Variants in PCDH17 observed in about 807,000 individuals in gnomAD.
PCDH17 encodes protocadherin 17.
A neutral mutation model predicts 67.7 loss-of-function variants in PCDH17; 21 were observed. The observed-to-expected ratio is 0.31, with a 90% CI of 0.22 to 0.45. The LOEUF (loss-of-function observed/expected upper bound fraction) is 0.45, where lower values mean the gene tolerates loss of function less well. Among genes scored for constraint, PCDH17 ranks in the 20% least tolerant of loss-of-function variants. The pLI, the probability that PCDH17 is intolerant of heterozygous loss-of-function variation, is 1.00. For synonymous variants in PCDH17, 701 were observed against 656.7 expected, an observed-to-expected ratio of 1.07 and a Z score of -1.03; for missense variants, 1,471 against 1,564.8, an observed-to-expected ratio of 0.94 and a Z score of 1.01.
chr13:57,698,686 AC>A (rs34887673), intron 3 of PCDH17, among the ~76,000 whole-genome samples: 57,822 of 151,594 alleles, frequency 0.38, 11,466 homozygotes, highest in East Asian at 0.56. Context: ...ATTTTCTCTC[AC>A]TCTGAAGCTG....
chr13:57,726,268 G>C lies in PCDH17; in HGVS notation c.*974G>C, dbSNP rs1955915826. On this transcript the variant is annotated 3_prime_UTR_variant, in exon 4 of 4. Coordinates refer to ENST00000377918, the MANE Select transcript of PCDH17 (RefSeq NM_001040429.3). ...ACGCAAGTCACATGACCATTTAAAT[G>C]TGCAAATGTAAGAAGATTCAATGTG... The C allele has an allele frequency of 6.6e-6, 1 of 152,604 alleles. No homozygotes were observed. Among genetic ancestry groups the C allele is most frequent in the African/African-American group, 2.4e-5 (1 of 41,442 alleles). The allele number at this position is 152,604 out of a possible 1,614,324, so 9.5% of individuals were successfully genotyped here. A position where few individuals can be genotyped will look rare whatever the true frequency, so the allele number is the denominator to read the frequency against.
intron 1 of PCDH17, among the ~76,000 whole-genome samples, chr13:57,647,820 T>C (rs1382285691): frequency 6.6e-6 from 1 of 151,812 alleles, no homozygotes; most frequent in African/African-American, 2.4e-5. Flanking sequence ...TAATAAGATA[T>C]AGTCGAGATA....
chr13:57,683,539 G>A (rs1201600401), intron 3 of PCDH17, among the ~76,000 whole-genome samples: 2 of 151,774 alleles, frequency 1.3e-5, no homozygotes, highest in Non-Finnish European at 2.9e-5. Flanking sequence ...GCCTTTAACT[G>A]ATATTGTACT....
At chr13:57,708,752 G>C (rs1450674726) in intron 3 of PCDH17, among the ~76,000 whole-genome samples, 1 of 151,960 alleles carries the variant, frequency 6.6e-6, no homozygotes, top group Non-Finnish European at 1.5e-5. Flanking sequence ...GCAAACAACA[G>C]ATGTTGAATA....
At position 57,634,460 on chromosome 13, in the gene PCDH17, C is replaced by A. The variant is rs780891643; in HGVS notation, c.1914C>A (p.Ile638=). ...GCAACGACGACCACCTGTTTGAGAT[C>A]GACCCGTCCAGCGGCGAGATCCGCA... ...VDGNDDHLFE[I]DPSSGEIRTL... The change falls in exon 1 of 4, where the codon ATC becomes ATA. Residue 638 remains isoleucine (I), a synonymous_variant. Transcript: ENST00000377918. The surrounding 1 kb of genome is among the most constrained non-coding windows in gnomAD (Gnocchi z 7.8). 39 of 1,612,648 alleles carry A rather than the reference C, an allele frequency of 2.4e-5. No individual in the cohort carries two copies. The highest frequency in any genetic ancestry group is 2.2e-5 in the Non-Finnish European group (26 of 1,179,966).
chr13:57,723,348 AATT>A (rs1955887021), intron 3 of PCDH17, among the ~76,000 whole-genome samples: 1 of 152,204 alleles, frequency 6.6e-6, no homozygotes, highest in Non-Finnish European at 1.5e-5. Context: ...TAATGTAAAT[AATT>A]ATTTACATGC....
intron 3 of PCDH17, among the ~76,000 whole-genome samples, chr13:57,692,126 C>T (rs977460025): frequency 4.0e-5 from 6 of 151,062 alleles, no homozygotes; most frequent in African/African-American, 1.2e-4. Context: ...TCTTTTCATC[C>T]TCTATTTTCT....
intron 3 of PCDH17, among the ~76,000 whole-genome samples, chr13:57,701,942 G>A (rs1955667031): frequency 6.6e-6 from 1 of 151,668 alleles, no homozygotes; most frequent in African/African-American, 2.4e-5. Context: ...TTTTTGGATG[G>A]AGTCTTGCTC....
chr13:57,695,972 G>A (rs753062780), intron 3 of PCDH17, among the ~76,000 whole-genome samples: 26 of 151,286 alleles, frequency 1.7e-4, no homozygotes, highest in Non-Finnish European at 3.3e-4. Context: ...TATAGATCAA[G>A]TCCCTTTAAC....
At chr13:57,646,942 A>C (rs1954972808) in intron 1 of PCDH17, among the ~76,000 whole-genome samples, 2 of 151,874 alleles carry the variant, frequency 1.3e-5, no homozygotes, top group Admixed American at 1.3e-4. Flanking sequence ...TCTTGGTTAC[A>C]TGTTACTACA....
In PCDH17 at chr13:57,728,814, T is replaced by C. The variant is rs1389670654; in HGVS notation, c.*3520T>C. The C allele has an allele frequency of 1.3e-5, 2 of 152,172 alleles. No homozygotes were observed. The highest frequency in any genetic ancestry group is 2.9e-5 in the Non-Finnish European group (2 of 67,970). The allele number at this position is 152,172 out of a possible 1,614,324, so 9.4% of individuals were successfully genotyped here. A position where few individuals can be genotyped will look rare whatever the true frequency, so the allele number is the denominator to read the frequency against. On this transcript the variant is annotated 3_prime_UTR_variant, in exon 4 of 4. Coordinates refer to ENST00000377918, the MANE Select transcript of PCDH17 (RefSeq NM_001040429.3). ...AAACATGACTTCCCTTTAAAGGATC[T>C]AGATATTGTTCAATTTAAAATATGG...
intron 3 of PCDH17, among the ~76,000 whole-genome samples, chr13:57,675,738 A>C (rs1196774489): frequency 6.6e-6 from 1 of 151,936 alleles, no homozygotes; most frequent in East Asian, 1.9e-4. Context: ...GAGACTAGGG[A>C]GGTGGCTGGA....
intron 1 of PCDH17, among the ~76,000 whole-genome samples, chr13:57,656,997 G>A (rs772027281): frequency 7.2e-5 from 11 of 152,048 alleles, no homozygotes; most frequent in African/African-American, 1.4e-4. Flanking sequence ...AACAAATAGC[G>A]CTCATCTTAA....
chr13:57,696,526 CA>C (rs60466176), intron 3 of PCDH17, among the ~76,000 whole-genome samples: 21 of 150,454 alleles, frequency 1.4e-4, no homozygotes, highest in African/African-American at 3.2e-4. Flanking sequence ...ATACTGTTCG[CA>C]AAAAAAATGT....
chr13:57,657,853 C>T (rs1955128228), intron 1 of PCDH17, among the ~76,000 whole-genome samples: 1 of 152,176 alleles, frequency 6.6e-6, no homozygotes, highest in African/African-American at 2.4e-5. Context: ...AACACCATAT[C>T]TAGAATCATT....
Position 57,673,685 on chromosome 13 carries a change from C to T in PCDH17, c.2797+6852C>T, listed in dbSNP as rs1238850119. On this transcript the variant is annotated intron_variant, in intron 3 of 3. Coordinates refer to ENST00000377918, the MANE Select transcript of PCDH17 (RefSeq NM_001040429.3). The stretch of plus-strand genomic sequence containing the variant: ...GGAAGAAACTGTTGAATATTTAACA[C>T]CAGAAAAAAAAATTACTTAGAAATG... Among the ~76,000 whole-genome samples the T allele has an allele frequency of 7.2e-5, 11 of 151,866 alleles. No individual in the cohort carries two copies. In the East Asian group the frequency reaches 2.1e-3, roughly 30 times the overall value.
chr13:57,673,565 G>GA (rs1955351680), intron 3 of PCDH17, among the ~76,000 whole-genome samples: 1 of 151,904 alleles, frequency 6.6e-6, no homozygotes, highest in African/African-American at 2.4e-5. Context: ...GCCAGTCTCT[G>GA]AAAACAATTT....
chr13:57,669,083 A>G (rs1482574127), intron 3 of PCDH17, among the ~76,000 whole-genome samples: 1 of 151,878 alleles, frequency 6.6e-6, no homozygotes, highest in African/African-American at 2.4e-5. Context: ...GAGTGAGAAC[A>G]TGCGGTGTTT....
rs765674033 is a variant in PCDH17, at chr13:57,724,946, C to T, written c.3132C>T (p.Ile1044=). 2.7e-5 allele frequency: 44 copies of T among 1,614,038 alleles called. 3 individuals are homozygous for T. The South Asian group carries it at 4.1e-4, about 15-fold the overall frequency. The change falls in exon 4 of 4, where the codon ATC becomes ATT. Residue 1044 remains isoleucine (I), a synonymous_variant. Transcript: ENST00000377918. ...CAAGCAGCCCAACCAAGGCGTGCAT[C>T]GAGCCTTGCACCTCAACAAAAGGCT... The part of the protein sequence containing the change: ...SASSSPTKAC[I]EPCTSTKGSL...
Sources: allele counts gnomAD v4.1 joint callset (sites outside exome capture counted in the v4.1 genomes callset), GRCh38; gene constraint gnomAD v4.1.1; non-coding constraint Gnocchi (gnomAD v3.1); transcripts MANE v1.5; gene names NCBI Gene and HGNC (gene_info 2026-07-23, HGNC 2026-07-21).